The following ZXDC variants were observed in gnomAD, a reference collection of about 807,000 sequenced individuals.
ZXDC encodes the protein ZXD family zinc finger C, also known as zinc finger protein ZXDC.
Under a neutral mutation model 63.6 loss-of-function variants are expected in ZXDC, and 58 were observed. The observed-to-expected ratio is 0.91, with a 90% confidence interval of 0.74 to 1.13. ZXDC has a LOEUF of 1.13. ZXDC is among the 50% of genes most tolerant of loss of function. The probability of loss-of-function intolerance (pLI) is 0.00; values close to 1 mark genes in which losing one functional copy is unlikely to be tolerated. For synonymous variants in ZXDC, 561 were observed against 496.1 expected, an observed-to-expected ratio of 1.13 and a Z score of -1.74; for missense variants, 1,133 against 1,148.9, an observed-to-expected ratio of 0.99 and a Z score of 0.20.
intron 7 of ZXDC, among the ~76,000 whole-genome samples, chr3:126,444,998 T>A (rs1338406776): frequency 6.6e-6 from 1 of 152,224 alleles, no homozygotes; most frequent in Non-Finnish European, 1.5e-5. Context: ...GAATATCTCA[T>A]GACAAGCTAA....
intron 7 of ZXDC, among the ~76,000 whole-genome samples, chr3:126,448,673 G>A (rs931505886): frequency 6.6e-5 from 10 of 152,320 alleles, no homozygotes; most frequent in East Asian, 3.9e-4. Context: ...AAGGTGTGGC[G>A]TCACCAGAGT....
chr3:126,457,774 C>A (rs539874560), intron 7 of ZXDC: 1 of 543,142 alleles, frequency 1.8e-6, no homozygotes, highest in South Asian at 8.0e-5. Flanking sequence ...ATGAGTGGAT[C>A]CAGTATCTGG....
chr3:126,472,085 T>G (rs779013812), intron 2 of ZXDC, 34 bp from the exon 3 acceptor site: 9 of 1,609,762 alleles, frequency 5.6e-6, no homozygotes, highest in South Asian at 2.2e-5. Context: ...GCATAAAATT[T>G]ACAACTCCAA....
intron 7 of ZXDC, chr3:126,443,054 C>T (rs115011151): frequency 0.018 from 2,682 of 152,362 alleles, 36 homozygotes; most frequent in Non-Finnish European, 0.029. Context: ...AGCAGGCAAG[C>T]CAACTGGGTG....
At chr3:126,458,947 A>G in intron 7 of ZXDC, 1 of 982,186 alleles carries the variant, frequency 1.0e-6, no homozygotes, top group Non-Finnish European at 1.2e-6. Context: ...AAGAAGTCAT[A>G]ATACTATTAG....
chr3:126,457,285 G>C, intron 7 of ZXDC: 1 of 985,348 alleles, frequency 1.0e-6, no homozygotes, highest in Non-Finnish European at 1.2e-6. Flanking sequence ...AGGCATCCCC[G>C]CCAGAGGATG....
intron 4 of ZXDC, among the ~76,000 whole-genome samples, chr3:126,468,706 G>C (rs1391647083): frequency 6.6e-6 from 1 of 152,176 alleles, no homozygotes; most frequent in African/African-American, 2.4e-5. Flanking sequence ...GGGCACCAGA[G>C]CAGGACTCTG....
At chr3:126,444,866 A>G (rs1933821992) in intron 7 of ZXDC, among the ~76,000 whole-genome samples, 1 of 152,210 alleles carries the variant, frequency 6.6e-6, no homozygotes, top group South Asian at 2.1e-4. Flanking sequence ...TAATTCCACT[A>G]ATGTTGCTAG....
chr3:126,471,103 C>A, intron 3 of ZXDC, 78 bp from the exon 4 acceptor site: 1 of 1,528,456 alleles, frequency 6.5e-7, no homozygotes. Context: ...CAAAACATAC[C>A]AAAACACAAA....
chr3:126,469,607 T>A (rs1431705765), intron 4 of ZXDC, among the ~76,000 whole-genome samples: 2 of 152,122 alleles, frequency 1.3e-5, no homozygotes, highest in African/African-American at 4.8e-5. Flanking sequence ...TCAAACATGA[T>A]GACATCATAC....
rs773982813 is a variant in ZXDC at position 126,470,911 on chromosome 3, G to A, written c.1254C>T (p.Phe418=). The A allele has an allele frequency of 5.0e-6, 8 of 1,614,062 alleles. No homozygotes were observed. The highest frequency in any genetic ancestry group is 4.0e-5 in the African/African-American group (3 of 74,938). Residue 418 remains phenylalanine (F), a synonymous_variant, in exon 4 of 10, where the codon TTC becomes TTT. Transcript: ENST00000389709. The stretch of plus-strand genomic sequence containing the variant: ...AAAATCTACCTTCCACAGGACACTC[G>A]AACGGCTTTGTGCCTAGGTGGGTTA... ...HSITHLGTKP[F]ECPVEGCCAR...
rs1030647337 is a variant in ZXDC, at chr3:126,441,859, C to T, written c.2300G>A (p.Gly767Glu). 7 of 1,613,786 alleles carry T rather than the reference C, an allele frequency of 4.3e-6. No homozygotes were observed. In the Admixed American group the frequency reaches 5.0e-5, roughly 12 times the overall value. ...TCCTCCGCTGGGCACCACGAGGCTC[C>T]CACACAACCAACTGTTCTGGCTTGC... The part of the protein sequence containing the change: ...FHASQNSWLC[G>E]SLVVPSGGRP... The change falls in exon 8 of 10, where the codon GGG (glycine) becomes GAG (glutamate). Residue 767 changes from glycine to glutamate, a missense_variant. Transcript: ENST00000389709.
chr3:126,453,108 C>T (rs1011453799), intron 7 of ZXDC: 9 of 985,292 alleles, frequency 9.1e-6, no homozygotes, highest in Non-Finnish European at 9.6e-6. Context: ...ACAAATTCCA[C>T]AAAGGGGGAG....
At chr3:126,473,512 C>A (rs75720634) in intron 1 of ZXDC, among the ~76,000 whole-genome samples, 2,531 of 152,232 alleles carry the variant, frequency 0.017, 73 homozygotes, top group South Asian at 0.13. Flanking sequence ...TGGAAGCAGG[C>A]GGGATCCCTG....
chr3:126,464,989 C>G (rs540804238), intron 5 of ZXDC, among the ~76,000 whole-genome samples: 2 of 152,366 alleles, frequency 1.3e-5, no homozygotes, highest in East Asian at 3.9e-4. Context: ...GGCCACAGAA[C>G]TGCCCTGAGC....
At chr3:126,454,616 C>T in intron 7 of ZXDC, 3 of 985,352 alleles carry the variant, frequency 3.0e-6, no homozygotes, top group Non-Finnish European at 3.6e-6. Context: ...AGGAGAGGTG[C>T]CCTCATTACA....
chr3:126,444,816 C>T (rs75948563), intron 7 of ZXDC, among the ~76,000 whole-genome samples: 12,621 of 152,182 alleles, frequency 0.083, 680 homozygotes, highest in South Asian at 0.18. Flanking sequence ...ATGTGCCATT[C>T]GAATCATGGG....
At chr3:126,471,853 C>A in intron 3 of ZXDC, 120 bp downstream of exon 3, 1 of 834,704 alleles carries the variant, frequency 1.2e-6, no homozygotes, top group Non-Finnish European at 1.8e-6. Context: ...AAATCATCAA[C>A]ACTGAGCTCC....
At chr3:126,464,936 G>A (rs921342106) in intron 5 of ZXDC, among the ~76,000 whole-genome samples, 5 of 152,232 alleles carry the variant, frequency 3.3e-5, no homozygotes, top group Non-Finnish European at 5.9e-5. Flanking sequence ...ATCCCAAGGA[G>A]GGGCTTCATG....
Sources: allele counts gnomAD v4.1 joint callset (sites outside exome capture counted in the v4.1 genomes callset), GRCh38; gene constraint gnomAD v4.1.1; transcripts MANE v1.5; gene names NCBI Gene and HGNC (gene_info 2026-07-23, HGNC 2026-07-21).